SAMMSON: variants seen among roughly 807,000 people sequenced by gnomAD.
SAMMSON encodes survival associated mitochondrial melanoma specific oncogenic non-coding RNA.
chr3:70,366,492 G>GGTTT (rs772373929), intron 9 of SAMMSON, among the ~76,000 whole-genome samples: 3 of 100,758 alleles, frequency 3.0e-5, no homozygotes, highest in African/African-American at 7.2e-5. Context: ...GTGTTTTTAT[G>GGTTT]TTTTTTTTTT....
intron 6 of SAMMSON, among the ~76,000 whole-genome samples, chr3:70,287,813 C>T (rs1434935360): frequency 2.7e-5 from 4 of 150,766 alleles, no homozygotes; most frequent in Non-Finnish European, 6.0e-5. Flanking sequence ...AGGAATTTAT[C>T]CATTTCTTCT....
chr3:70,154,132 G>A (rs2067582602), intron 4 of SAMMSON, among the ~76,000 whole-genome samples: 1 of 151,322 alleles, frequency 6.6e-6, no homozygotes, highest in Admixed American at 6.6e-5. Context: ...GCTATTTAAA[G>A]CAACATTTAA....
At chr3:70,146,357 TA>T (rs1286502461) in intron 4 of SAMMSON, among the ~76,000 whole-genome samples, 1 of 151,820 alleles carries the variant, frequency 6.6e-6, no homozygotes, top group Non-Finnish European at 1.5e-5. Flanking sequence ...CCAAAGACAG[TA>T]CAAAAATAGA....
intron 3 of SAMMSON, among the ~76,000 whole-genome samples, chr3:70,061,864 T>TTCTGCCA (rs1323467837): frequency 2.0e-5 from 3 of 152,158 alleles, no homozygotes; most frequent in Admixed American, 6.5e-5. Context: ...CTTCACTTGA[T>TTCTGCCA]TCTGCCATCT....
At chr3:70,015,661 C>T (rs946409412) in intron 3 of SAMMSON, among the ~76,000 whole-genome samples, 6 of 152,044 alleles carry the variant, frequency 3.9e-5, no homozygotes, top group African/African-American at 1.5e-4. Context: ...GTGTGCTGCA[C>T]CCATTAACTC....
chr3:70,264,511 G>C (rs1278424809), intron 6 of SAMMSON, among the ~76,000 whole-genome samples: 1 of 152,186 alleles, frequency 6.6e-6, no homozygotes, highest in Non-Finnish European at 1.5e-5. Context: ...CCCTGTTAGA[G>C]AATAACCATG....
At chr3:70,429,246 T>C (rs935861469) in intron 2 of SAMMSON, among the ~76,000 whole-genome samples, 2 of 152,210 alleles carry the variant, frequency 1.3e-5, no homozygotes, top group Non-Finnish European at 2.9e-5. Context: ...TGCTTGTTTG[T>C]ATCAGGATTC....
intron 6 of SAMMSON, among the ~76,000 whole-genome samples, chr3:70,254,907 C>A (rs769238580): frequency 1.3e-5 from 2 of 152,080 alleles, no homozygotes; most frequent in Non-Finnish European, 2.9e-5. Context: ...TTTCCTTTTC[C>A]GACTGTAACA....
chr3:70,341,231 A>G (rs1702708535), intron 7 of SAMMSON, among the ~76,000 whole-genome samples: 1 of 152,064 alleles, frequency 6.6e-6, no homozygotes. Flanking sequence ...CTATGATTCC[A>G]TAATTAGCCC....
intron 2 of SAMMSON, among the ~76,000 whole-genome samples, chr3:70,409,276 T>G (rs1476304812): frequency 1.3e-5 from 2 of 152,188 alleles, no homozygotes; most frequent in African/African-American, 4.8e-5. Context: ...CCCAAAAATA[T>G]ATTTCATTTA....
intron 7 of SAMMSON, among the ~76,000 whole-genome samples, chr3:70,299,205 A>G (rs558064203): frequency 6.6e-6 from 1 of 152,294 alleles, no homozygotes; most frequent in African/African-American, 2.4e-5. Flanking sequence ...CATTGAAATT[A>G]TGCAGTAAAT....
chr3:70,349,383 A>T (rs1457230225), intron 7 of SAMMSON, among the ~76,000 whole-genome samples: 1 of 152,146 alleles, frequency 6.6e-6, no homozygotes, highest in Non-Finnish European at 1.5e-5. Context: ...TAAAAAAAAA[A>T]TAAAATAATG....
rs74798047 is a variant in SAMMSON, at chr3:70,112,786, A to G, written n.507+41221A>G. Among the ~76,000 whole-genome samples the G allele has an allele frequency of 2.5e-3, 374 of 152,342 alleles. 18 individuals carry two copies. In the East Asian group the frequency reaches 0.063, roughly 26 times the overall value. ...TAAATTCGTTTTCAAAAATCCAATT[A>G]CATACTCTTTCAAAAGATGGATTTT... On this transcript the variant is annotated intron_variant and non_coding_transcript_variant, in intron 4 of 9. Coordinates refer to ENST00000642114, the Ensembl canonical transcript of SAMMSON.
intron 1 of SAMMSON, among the ~76,000 whole-genome samples, chr3:70,010,716 G>A (rs2066950558): frequency 6.6e-6 from 1 of 151,610 alleles, no homozygotes; most frequent in African/African-American, 2.4e-5. Context: ...TTCCTAGACT[G>A]GGTAATTTAT....
chr3:70,317,478 A>G (rs1702503218), intron 7 of SAMMSON, among the ~76,000 whole-genome samples: 1 of 152,086 alleles, frequency 6.6e-6, no homozygotes, highest in African/African-American at 2.4e-5. Context: ...TAACTTTTAT[A>G]CAAACTGTTT....
At chr3:70,018,907 A>G (rs1388699907) in intron 3 of SAMMSON, among the ~76,000 whole-genome samples, 2 of 152,196 alleles carry the variant, frequency 1.3e-5, no homozygotes, top group Non-Finnish European at 2.9e-5. Flanking sequence ...TGAGTTTCTT[A>G]ATCCTGAGTT....
intron 9 of SAMMSON, among the ~76,000 whole-genome samples, chr3:70,384,176 G>C (rs1703101558): frequency 6.6e-6 from 1 of 152,004 alleles, no homozygotes; most frequent in Admixed American, 6.6e-5. Context: ...GTTGCTACCT[G>C]CTGATTTAAT....
intron 6 of SAMMSON, among the ~76,000 whole-genome samples, chr3:70,288,770 T>C (rs1397751109): frequency 6.6e-6 from 1 of 151,974 alleles, no homozygotes; most frequent in South Asian, 2.1e-4. Context: ...ATATTTAGGA[T>C]AGTTAGCTCT....
chr3:70,313,954 CT>C (rs1172664539), intron 7 of SAMMSON, among the ~76,000 whole-genome samples: 37 of 152,148 alleles, frequency 2.4e-4, no homozygotes, highest in Non-Finnish European at 2.9e-4. Context: ...TTACTCCAAC[CT>C]AATTGCATTG....
Sources: allele counts gnomAD v4.1 joint callset (sites outside exome capture counted in the v4.1 genomes callset), GRCh38; gene constraint gnomAD v4.1.1; transcripts MANE v1.5; gene names NCBI Gene and HGNC (gene_info 2026-07-23, HGNC 2026-07-21).